Variants in CCDC88A observed in about 807,000 individuals in gnomAD.
CCDC88A encodes coiled-coil and HOOK domain protein 88A.
In CCDC88A, 54 loss-of-function variants were observed where a neutral mutation model predicts 234.3. That is an observed-to-expected ratio of 0.23 (90% CI 0.19 to 0.29). CCDC88A has a LOEUF of 0.29. Ranked by LOEUF, CCDC88A falls within the 10% of genes least tolerant of loss-of-function variation. CCDC88A has a pLI of 1.00. For missense variants in CCDC88A, 1,832 were observed against 2,123.4 expected (o/e 0.86, Z 2.70); for synonymous variants, 753 against 737.8 (o/e 1.02, Z -0.33).
chr2:55,372,984 G>A (rs1673062647), intron 4 of CCDC88A, among the ~76,000 whole-genome samples: 1 of 152,174 alleles, frequency 6.6e-6, no homozygotes, highest in Non-Finnish European at 1.5e-5. Flanking sequence ...CACTGTGCAA[G>A]TTCATGAAGA....
intron 2 of CCDC88A, among the ~76,000 whole-genome samples, chr2:55,391,762 G>C (rs547066510): frequency 6.6e-6 from 1 of 152,256 alleles, no homozygotes; most frequent in South Asian, 2.1e-4. Flanking sequence ...TGAATGAACA[G>C]AGACTAAATG....
At chr2:55,400,454 C>A (rs773130909) in intron 2 of CCDC88A, among the ~76,000 whole-genome samples, 31 of 152,104 alleles carry the variant, frequency 2.0e-4, no homozygotes, top group Non-Finnish European at 4.0e-4. Context: ...GAGTTAAATG[C>A]AACATGGCAG....
chr2:55,376,763 T>C (rs962799399), intron 3 of CCDC88A, among the ~76,000 whole-genome samples: 1 of 152,222 alleles, frequency 6.6e-6, no homozygotes, highest in Admixed American at 6.5e-5. Flanking sequence ...AAGCAAGTTA[T>C]CTCAAGAGAG....
At position 55,289,093 on chromosome 2, in the gene CCDC88A, C is replaced by T. The variant is rs1187491884; in HGVS notation, c.*2107G>A. On this transcript the variant is annotated 3_prime_UTR_variant, in exon 33 of 33. Coordinates refer to ENST00000436346, the MANE Select transcript of CCDC88A (RefSeq NM_001365480.1). ...GCCTACTCAGATTCAGTACTTTACA[C>T]GTTGTTTTCAGCATTTTCTGCTTGA... 3 of 152,600 alleles carry T rather than the reference C, an allele frequency of 2.0e-5. No homozygotes were observed. The highest frequency in any genetic ancestry group is 7.2e-5 in the African/African-American group (3 of 41,438). 9.5% of individuals were successfully genotyped at this position (152,600 alleles called of 1,614,324 possible). A position where few individuals can be genotyped will look rare whatever the true frequency, so the allele number is the denominator to read the frequency against.
chr2:55,368,637 T>C (rs1051597912), intron 5 of CCDC88A, among the ~76,000 whole-genome samples: 2 of 152,108 alleles, frequency 1.3e-5, no homozygotes, highest in African/African-American at 4.8e-5. Context: ...TTTCTTTTCA[T>C]GAATATAGTA....
At chr2:55,297,360 TATATAATATATATTATATATAAATATATA>T (rs1680265484) in intron 29 of CCDC88A, among the ~76,000 whole-genome samples, 1 of 99,990 alleles carries the variant, frequency 1.0e-5, no homozygotes, top group Non-Finnish European at 1.7e-5. Flanking sequence ...TATATAAATA[TATATAATATATATTATATATAAATATATA>T]TTATATATAA....
At chr2:55,297,277 T>A (rs1470298117) in intron 29 of CCDC88A, 6 of 24,062 alleles carry the variant, frequency 2.5e-4, no homozygotes, top group South Asian at 9.8e-4. Flanking sequence ...TTATATATAT[T>A]ATATATAATA....
At position 55,287,888 on chromosome 2, in the gene CCDC88A, T is replaced by G. The variant is rs1244433822; in HGVS notation, c.*3312A>C. 2 of 152,516 alleles carry G rather than the reference T, an allele frequency of 1.3e-5. No individual in the cohort carries two copies. Among genetic ancestry groups the G allele is most frequent in the African/African-American group, 4.8e-5 (2 of 41,462 alleles). 9.4% of individuals were successfully genotyped at this position (152,516 alleles called of 1,614,324 possible). On this transcript the variant is annotated 3_prime_UTR_variant, in exon 33 of 33. Coordinates refer to ENST00000436346, the MANE Select transcript of CCDC88A (RefSeq NM_001365480.1). ...GGTTTTATTTCTTTTTATATTAGTT[T>G]GATACGTGAATGTTAGTCCAACTTA...
chr2:55,300,197 A>C (rs1337984750), intron 28 of CCDC88A: 1 of 350,712 alleles, frequency 2.9e-6, no homozygotes, highest in Non-Finnish European at 5.4e-6. Flanking sequence ...GTTTTAGTTA[A>C]ATAGAATGAC....
intron 31 of CCDC88A, chr2:55,294,363 T>C: frequency 2.0e-6 from 2 of 980,752 alleles, no homozygotes; most frequent in Non-Finnish European, 2.4e-6. Context: ...ACTGTGTAAA[T>C]CACATTTAAA....
Position 55,334,836 on chromosome 2 carries a change from T to A in CCDC88A, c.1985A>T (p.Glu662Val), listed in dbSNP as rs1574154867. ...TCTTTCTAGCTCTGAATTTTCTTGT[T>A]CTAAGGCCTCAATTTTTTCACAAGT... Reference protein sequence around the residue: ...KITCEKIEALEQENSELEREN... With the variant: ...KITCEKIEALVQENSELEREN... Residue 662 changes from glutamate to valine, a missense_variant, in exon 15 of 33, where the codon GAA (glutamate) becomes GTA (valine). Coordinates refer to ENST00000436346, the MANE Select transcript of CCDC88A (RefSeq NM_001365480.1). The surrounding 1 kb of genome is among the most constrained non-coding windows in gnomAD (Gnocchi z 6.1). 6.4e-7 allele frequency: 1 copy of A among 1,553,676 alleles called. No homozygotes were observed.
At chr2:55,412,550 G>C (rs1680675557) in intron 2 of CCDC88A, among the ~76,000 whole-genome samples, 1 of 152,084 alleles carries the variant, frequency 6.6e-6, no homozygotes, top group African/African-American at 2.4e-5. Flanking sequence ...GAGGGATCTA[G>C]GTTGCACTCT....
chr2:55,366,785 T>C (rs142919731), intron 5 of CCDC88A, among the ~76,000 whole-genome samples: 5 of 152,240 alleles, frequency 3.3e-5, no homozygotes, highest in African/African-American at 1.2e-4. Flanking sequence ...ATGGAAAAGC[T>C]ATACTAAAAT....
Position 55,332,827 on chromosome 2 carries a change from T to A in CCDC88A, c.2728-134A>T, listed in dbSNP as rs1685076173. On this transcript the variant is annotated intron_variant, in intron 15 of 32. Coordinates refer to ENST00000436346, the MANE Select transcript of CCDC88A (RefSeq NM_001365480.1). The surrounding 1 kb of genome is among the most constrained non-coding windows in gnomAD (Gnocchi z 4.5). Reference sequence around the variant, plus strand: ...CCAGGAAATGTCATTAAACCATTCCTTCATTATTAAAATGTAGTTAAAGTT... The same window carrying A: ...CCAGGAAATGTCATTAAACCATTCCATCATTATTAAAATGTAGTTAAAGTT... 5.2e-6 allele frequency: 4 copies of A among 761,976 alleles called. No homozygotes were observed. The highest frequency in any genetic ancestry group is 6.2e-6 in the Non-Finnish European group (3 of 486,210). 47.2% of individuals were successfully genotyped at this position (761,976 alleles called of 1,614,324 possible). A position where few individuals can be genotyped will look rare whatever the true frequency, so the allele number is the denominator to read the frequency against.
Position 55,309,764 on chromosome 2 carries a change from C to T in CCDC88A, c.4080-510G>A, listed in dbSNP as rs1024979143. Among the ~76,000 whole-genome samples the T allele has an allele frequency of 2.0e-5, 3 of 152,032 alleles. No homozygotes were observed. The highest frequency in any genetic ancestry group is 4.4e-5 in the Non-Finnish European group (3 of 68,010). On this transcript the variant is annotated intron_variant, in intron 23 of 32. Coordinates refer to ENST00000436346, the MANE Select transcript of CCDC88A (RefSeq NM_001365480.1). The surrounding 1 kb of genome is among the most constrained non-coding windows in gnomAD (Gnocchi z 5.1). ...GAAAACCCCACAATGCCAAAGAATA[C>T]TATTTACTTCAGAAACATTAGTGAT...
chr2:55,401,578 CAAT>C (rs1558827236), intron 2 of CCDC88A, among the ~76,000 whole-genome samples: 9 of 143,044 alleles, frequency 6.3e-5, no homozygotes, highest in Non-Finnish European at 4.5e-5. Flanking sequence ...AATTCAAATT[CAAT>C]TACTTTGCAT....
intron 2 of CCDC88A, among the ~76,000 whole-genome samples, chr2:55,409,016 A>G (rs1317985762): frequency 1.3e-5 from 2 of 151,228 alleles, no homozygotes; most frequent in Non-Finnish European, 2.9e-5. Flanking sequence ...TTCTACAGGT[A>G]TTTTCGTCAG....
intron 3 of CCDC88A, among the ~76,000 whole-genome samples, chr2:55,380,416 G>A (rs770665991): frequency 4.6e-5 from 7 of 151,128 alleles, no homozygotes; most frequent in Admixed American, 2.0e-4. Context: ...ATTCTGGCGT[G>A]AAGACATTTC....
chr2:55,313,357 C>G, intron 22 of CCDC88A: 1 of 152,400 alleles, frequency 6.6e-6, no homozygotes. Flanking sequence ...CGTGAGCCAC[C>G]GCGCCTGGCA....
Sources: gnomAD v4.1 joint callset for allele counts (sites outside exome capture counted in the v4.1 genomes callset) on GRCh38, gnomAD v4.1.1 for gene constraint, Gnocchi (gnomAD v3.1) non-coding constraint, MANE v1.5 for transcripts, NCBI Gene and HGNC (gene_info 2026-07-23, HGNC 2026-07-21) for gene names.